The following CNTN5 variants were observed in gnomAD, a reference collection of about 807,000 sequenced individuals.
The protein encoded by CNTN5 is contactin 5.
In CNTN5, 77 loss-of-function variants were observed where a neutral mutation model predicts 129.1. That is an observed-to-expected ratio of 0.60 (90% confidence interval 0.50 to 0.72). The LOEUF is 0.72. Ranked by LOEUF, CNTN5 falls within the 30% of genes least tolerant of loss-of-function variation. CNTN5 has a pLI of 0.00. For missense variants in CNTN5, 1,478 were observed against 1,328.8 expected, an observed-to-expected ratio of 1.11 and a Z score of -1.75; for synonymous variants, 509 against 465.6, an observed-to-expected ratio of 1.09 and a Z score of -1.20.
intron 2 of CNTN5, among the ~76,000 whole-genome samples, chr11:99,327,491 C>T (rs757482355): frequency 8.5e-5 from 13 of 152,048 alleles, no homozygotes; most frequent in African/African-American, 1.2e-4. Context: ...GTACAGAGAA[C>T]CTGTGGAATC....
chr11:99,254,031 A>G (rs1011898825), intron 1 of CNTN5, among the ~76,000 whole-genome samples: 2 of 151,492 alleles, frequency 1.3e-5, no homozygotes, highest in Non-Finnish European at 3.0e-5. Context: ...ATCCAAAATA[A>G]TATTTATAAT....
intron 2 of CNTN5, among the ~76,000 whole-genome samples, chr11:99,384,044 T>C (rs1404498800): frequency 6.6e-6 from 1 of 152,214 alleles, no homozygotes; most frequent in Non-Finnish European, 1.5e-5. Flanking sequence ...GAAACATTAC[T>C]AGTGCGTTGC....
Position 100,155,530 on chromosome 11 carries a change from A to G in CNTN5, c.1581-35596A>G, listed in dbSNP as rs184415005. On this transcript the variant is annotated intron_variant, in intron 13 of 24. Transcript: ENST00000524871. The stretch of plus-strand genomic sequence containing the variant: ...CTCTTTTTTTGTTCATATGAAATTT[A>G]AAGTAGTTTTTTCTAATTCTGGGAA... Among the ~76,000 whole-genome samples the G allele has an allele frequency of 8.9e-3, 1,356 of 152,158 alleles. 28 individuals are homozygous for G. The highest frequency in any genetic ancestry group is 0.03 in the African/African-American group (1,264 of 41,514).
chr11:99,183,441 C>A, intron 1 of CNTN5, among the ~76,000 whole-genome samples: 1 of 152,122 alleles, frequency 6.6e-6, no homozygotes, highest in East Asian at 1.9e-4. Flanking sequence ...TCAGATGACT[C>A]TTTTCAGTCT....
chr11:99,860,077 G>T (rs1463812876), intron 6 of CNTN5, among the ~76,000 whole-genome samples: 1 of 152,038 alleles, frequency 6.6e-6, no homozygotes, highest in African/African-American at 2.4e-5. Flanking sequence ...ATTTTGATTT[G>T]CATTTCTCTG....
chr11:99,616,491 C>T (rs542437549), intron 3 of CNTN5, among the ~76,000 whole-genome samples: 3 of 151,774 alleles, frequency 2.0e-5, no homozygotes, highest in South Asian at 2.1e-4. Flanking sequence ...GATGTTTGTC[C>T]CTGACTAGAG....
intron 1 of CNTN5, among the ~76,000 whole-genome samples, chr11:99,138,703 G>A (rs532009371): frequency 3.9e-5 from 6 of 152,040 alleles, no homozygotes; most frequent in South Asian, 4.1e-4. Flanking sequence ...TTAAAATAAC[G>A]AATTCCCAAA....
intron 18 of CNTN5, among the ~76,000 whole-genome samples, chr11:100,293,102 C>A (rs1346452396): frequency 6.6e-6 from 1 of 151,766 alleles, no homozygotes; most frequent in Non-Finnish European, 1.5e-5. Context: ...TATATTTCTT[C>A]TTGCCTTTTC....
intron 1 of CNTN5, among the ~76,000 whole-genome samples, chr11:99,180,842 A>C (rs966374199): frequency 6.6e-6 from 1 of 152,206 alleles, no homozygotes; most frequent in African/African-American, 2.4e-5. Context: ...AAGGAGAGTC[A>C]TATTGTGAGA....
chr11:99,023,248 G>A (rs1228934419), intron 1 of CNTN5, among the ~76,000 whole-genome samples: 2 of 152,196 alleles, frequency 1.3e-5, no homozygotes, highest in Non-Finnish European at 2.9e-5. Context: ...AAAATTAGTA[G>A]CATGTAAAAA....
chr11:99,528,818 CT>C (rs990820478), intron 2 of CNTN5, among the ~76,000 whole-genome samples: 1 of 151,996 alleles, frequency 6.6e-6, no homozygotes, highest in African/African-American at 2.4e-5. Context: ...AATCCCAGCA[CT>C]TTGGGAGGCC....
chr11:99,271,433 T>C (rs1863166330), intron 1 of CNTN5, among the ~76,000 whole-genome samples: 1 of 151,914 alleles, frequency 6.6e-6, no homozygotes, highest in African/African-American at 2.4e-5. Flanking sequence ...ACAAAATTTA[T>C]TCATTTTTAG....
intron 3 of CNTN5, among the ~76,000 whole-genome samples, chr11:99,624,934 T>A (rs942348586): frequency 2.6e-5 from 4 of 152,192 alleles, no homozygotes; most frequent in African/African-American, 4.8e-5. Flanking sequence ...CTGCTAGTGC[T>A]GACACCATGG....
intron 9 of CNTN5, among the ~76,000 whole-genome samples, chr11:100,020,760 A>T (rs1379464570): frequency 6.6e-6 from 1 of 152,158 alleles, no homozygotes; most frequent in Admixed American, 6.6e-5. Context: ...ACAAAAATGA[A>T]TGGTGTTTCT....
chr11:99,818,617 C>G (rs538421444), intron 3 of CNTN5, among the ~76,000 whole-genome samples: 8 of 152,156 alleles, frequency 5.3e-5, no homozygotes, highest in Non-Finnish European at 1.2e-4. Flanking sequence ...TTAATTGATA[C>G]TGTACATATA....
chr11:100,271,259 T>G lies in CNTN5; in HGVS notation c.2314+18T>G. 1 of 1,581,490 alleles carries G rather than the reference T, an allele frequency of 6.3e-7. No individual in the cohort carries two copies. The highest frequency in any genetic ancestry group is 8.6e-7 in the Non-Finnish European group (1 of 1,165,044). ...TGAAGCAGGTAAAAATTTGGAAGAG[T>G]CAGATTGGATTTGGTATGCTTCTAA... On this transcript the variant is annotated intron_variant, in intron 18 of 24. Coordinates refer to ENST00000524871, the MANE Select transcript of CNTN5 (RefSeq NM_014361.4).
chr11:99,137,699 C>T (rs986522329), intron 1 of CNTN5, among the ~76,000 whole-genome samples: 1 of 152,140 alleles, frequency 6.6e-6, no homozygotes, highest in Non-Finnish European at 1.5e-5. Flanking sequence ...TTAAGACACC[C>T]TCACCTGACA....
intron 7 of CNTN5, among the ~76,000 whole-genome samples, chr11:99,953,065 A>G (rs1238049386): frequency 6.6e-6 from 1 of 152,198 alleles, no homozygotes; most frequent in Non-Finnish European, 1.5e-5. Flanking sequence ...ATGTAGTTAT[A>G]TTAAAGAATG....
intron 3 of CNTN5, among the ~76,000 whole-genome samples, chr11:99,641,743 A>T (rs1040754836): frequency 1.2e-4 from 18 of 152,136 alleles, no homozygotes; most frequent in Non-Finnish European, 2.4e-4. Flanking sequence ...CCTCAACTTA[A>T]ACCTGGGCAG....
Sources: gnomAD v4.1 joint callset for allele counts (sites outside exome capture counted in the v4.1 genomes callset) on GRCh38, gnomAD v4.1.1 for gene constraint, MANE v1.5 for transcripts, NCBI Gene and HGNC (gene_info 2026-07-23, HGNC 2026-07-21) for gene names.